Variants in TRIO observed in about 807,000 individuals in gnomAD.
TRIO encodes the protein triple functional domain protein.
A neutral mutation model predicts 351.9 loss-of-function variants in TRIO; 58 were observed. The observed-to-expected ratio is 0.16, with a 90% CI of 0.13 to 0.21. The LOEUF (loss-of-function observed/expected upper bound fraction) is 0.21, where lower values mean the gene tolerates loss of function less well. TRIO is among the 10% of genes least tolerant of loss of function. The pLI is 1.00. For synonymous variants in TRIO, 1,758 were observed against 1,595.7 expected (o/e 1.10, Z -2.42); for missense variants, 3,201 against 4,027.8 (o/e 0.79, Z 5.56).
chr5:14,282,750 C>G (rs371407217), intron 3 of TRIO, among the ~76,000 whole-genome samples: 1 of 152,218 alleles, frequency 6.6e-6, no homozygotes. Context: ...TCATGTCATT[C>G]AAAAATACTT....
rs770760244 is a variant in TRIO, at chr5:14,488,136, C to T, written c.7508C>T (p.Pro2503Leu). 2.4e-5 allele frequency: 38 copies of T among 1,608,058 alleles called. No individual in the cohort carries two copies. Among genetic ancestry groups the T allele is most frequent in the Admixed American group, 1.3e-4 (8 of 59,962 alleles). ...AGCCGACCCGGCTCCTTCACCTTCC[C>T]GGGGGACAGCGACTCCCTCCAGCGG... ...PASRPGSFTFPGDSDSLQRQT... is the reference protein window; with the variant it reads ...PASRPGSFTFLGDSDSLQRQT... Residue 2503 changes from proline to leucine, a missense_variant, in exon 48 of 57, where the codon CCG (proline) becomes CTG (leucine). Pro to Leu is a moderately conservative substitution (Grantham distance 98). This residue lies in a region of TRIO where 1,089 missense variants were observed against 954.9 expected (regional missense o/e 1.14). Coordinates refer to ENST00000344204, the MANE Select transcript of TRIO (RefSeq NM_007118.4).
chr5:14,338,381 A>G (rs116423461), intron 11 of TRIO, among the ~76,000 whole-genome samples: 2,975 of 152,254 alleles, frequency 0.02, 69 homozygotes, highest in Non-Finnish European at 0.025. Flanking sequence ...CGCTCAACAC[A>G]GTATCCCCTG....
intron 34 of TRIO, chr5:14,441,087 G>A (rs112699073): frequency 0.043 from 6,548 of 152,562 alleles, 231 homozygotes; most frequent in African/African-American, 0.087. Context: ...TGAGCAACAC[G>A]CTGCCAGTCT....
chr5:14,497,016 A>C lies in TRIO; in HGVS notation c.8018A>C (p.Lys2673Thr), dbSNP rs756958239. The change falls in exon 50 of 57, where the codon AAG (lysine) becomes ACG (threonine). Residue 2673 changes from lysine (K) to threonine (T), a missense_variant and splice_region_variant. By Grantham distance (78) the Lys-to-Thr change is moderately conservative. Transcript: ENST00000344204. This position sits in a 1 kb window ranked among gnomAD's most constrained non-coding sequence, Gnocchi z 4.4. ...GGACTCAGCAACAAGGTATCTGTGA[A>C]GGTGTGTTCGGGGGTCTTCAGGAGT... ...REGLSNKVSV[K>T]LLNPNYIYDV... The C allele has an allele frequency of 2.3e-5, 37 of 1,614,204 alleles. No homozygotes were observed. The highest frequency in any genetic ancestry group is 3.1e-5 in the Non-Finnish European group (37 of 1,180,032).
At chr5:14,149,976 TC>T (rs1787731440) in intron 1 of TRIO, among the ~76,000 whole-genome samples, 1 of 152,220 alleles carries the variant, frequency 6.6e-6, no homozygotes, top group South Asian at 2.1e-4. Flanking sequence ...AGGAGGTTTT[TC>T]TTGGGGAGGG....
chr5:14,233,511 T>G (rs1793589362), intron 1 of TRIO, among the ~76,000 whole-genome samples: 1 of 151,614 alleles, frequency 6.6e-6, no homozygotes, highest in Non-Finnish European at 1.5e-5. Flanking sequence ...AAAGGAATCA[T>G]GTAACTGTCC....
At chr5:14,405,188 T>G (rs985539438) in intron 31 of TRIO, among the ~76,000 whole-genome samples, 1 of 152,078 alleles carries the variant, frequency 6.6e-6, no homozygotes. Flanking sequence ...GGACATTTCT[T>G]GAGAGTTGTA....
chr5:14,394,594 T>G (rs1338698085), intron 28 of TRIO, among the ~76,000 whole-genome samples: 1 of 152,168 alleles, frequency 6.6e-6, no homozygotes, highest in Non-Finnish European at 1.5e-5. Context: ...GCCCAGGGCT[T>G]CCACTGAAGC....
chr5:14,466,260 C>T (rs937195045), intron 37 of TRIO: 2 of 153,902 alleles, frequency 1.3e-5, no homozygotes, highest in African/African-American at 4.8e-5. Flanking sequence ...ATGTGGTCAG[C>T]TCCAGTCTGT....
At position 14,338,092 on chromosome 5, in the gene TRIO, C is replaced by T. The variant is rs530409740; in HGVS notation, c.2046+1365C>T. Among the ~76,000 whole-genome samples, 20 of 152,280 alleles carry T rather than the reference C, an allele frequency of 1.3e-4. No homozygotes were observed. In the East Asian group the frequency reaches 3.1e-3, roughly 24 times the overall value. On this transcript the variant is annotated intron_variant, in intron 11 of 56. Transcript: ENST00000344204. The stretch of plus-strand genomic sequence containing the variant: ...GTGGCAGTTCCTAGTCATTGCTGCA[C>T]GTGCCTCTAGACTAAGTTTCCCACT...
intron 11 of TRIO, among the ~76,000 whole-genome samples, chr5:14,354,043 G>A (rs1221834496): frequency 1.3e-5 from 2 of 152,204 alleles, no homozygotes; most frequent in South Asian, 2.1e-4. Context: ...GCCTCACAGT[G>A]AGTCAGGGGA....
intron 34 of TRIO, among the ~76,000 whole-genome samples, chr5:14,450,653 A>G (rs185492561): frequency 1.1e-4 from 16 of 152,342 alleles, no homozygotes; most frequent in African/African-American, 3.8e-4. Flanking sequence ...CCACTGTGCA[A>G]TATGTAAAAT....
chr5:14,365,645 G>A (rs1480048814), intron 15 of TRIO, among the ~76,000 whole-genome samples: 2 of 152,228 alleles, frequency 1.3e-5, no homozygotes, highest in East Asian at 3.8e-4. Flanking sequence ...AGAAATAACG[G>A]AATAAATAAA....
At chr5:14,367,221 A>G (rs1013580154) in intron 16 of TRIO, among the ~76,000 whole-genome samples, 11 of 152,066 alleles carry the variant, frequency 7.2e-5, no homozygotes, top group African/African-American at 1.9e-4. Flanking sequence ...CAAGGATCCC[A>G]AAGGTCTCGG....
In TRIO at chr5:14,405,962, G is replaced by T. The variant is rs771279874; in HGVS notation, c.4831G>T (p.Ala1611Ser). 26 of 1,604,342 alleles carry T rather than the reference G, an allele frequency of 1.6e-5. No homozygotes were observed. The highest frequency in any genetic ancestry group is 2.0e-5 in the Non-Finnish European group (24 of 1,176,592). The change falls in exon 32 of 57, where the codon GCT becomes TCT. Residue 1611 changes from alanine (A) to serine (S), a missense_variant. Ala to Ser is a moderately conservative substitution (Grantham distance 99). Coordinates refer to ENST00000344204, the MANE Select transcript of TRIO (RefSeq NM_007118.4). ...LKEPIHIPKT[A>S]PATRQKGRRD... Reference sequence around the variant, plus strand: ...GGAGCCCATTCACATCCCTAAGACCGCTCCCGCCACAAGACAGAAGGGAAG... The same window carrying T: ...GGAGCCCATTCACATCCCTAAGACCTCTCCCGCCACAAGACAGAAGGGAAG...
chr5:14,170,449 G>A (rs374752754), intron 1 of TRIO, among the ~76,000 whole-genome samples: 11 of 150,562 alleles, frequency 7.3e-5, no homozygotes, highest in African/African-American at 2.4e-4. Flanking sequence ...TTCATGCATT[G>A]AACATTGGCT....
Position 14,507,060 on chromosome 5 carries a change from T to A in TRIO, c.8613-62T>A. The A allele has an allele frequency of 2.0e-6, 3 of 1,511,236 alleles. No individual in the cohort carries two copies. In the African/African-American group the frequency reaches 4.2e-5, roughly 21 times the overall value. 93.6% of individuals were successfully genotyped at this position (1,511,236 alleles called of 1,614,324 possible). A position where few individuals can be genotyped will look rare whatever the true frequency, so the allele number is the denominator to read the frequency against. The stretch of plus-strand genomic sequence containing the variant: ...CAGGTCCGACATGTTTACTTCTTAC[T>A]AGCCCAAAGAGGTCTTCAAAGCAAA... On this transcript the variant is annotated intron_variant, in intron 55 of 56. Coordinates refer to ENST00000344204, the MANE Select transcript of TRIO (RefSeq NM_007118.4).
intron 2 of TRIO, among the ~76,000 whole-genome samples, chr5:14,279,920 A>C (rs1735847318): frequency 6.6e-6 from 1 of 152,216 alleles, no homozygotes; most frequent in South Asian, 2.1e-4. Context: ...GAAAGAAAGA[A>C]CTTTGAATGC....
intron 46 of TRIO, among the ~76,000 whole-genome samples, chr5:14,483,353 G>T (rs970082057): frequency 6.6e-6 from 1 of 152,218 alleles, no homozygotes; most frequent in Non-Finnish European, 1.5e-5. Context: ...CAGGCCTGAG[G>T]TCCCAGCAGA....
Sources: gnomAD v4.1 joint callset for allele counts (sites outside exome capture counted in the v4.1 genomes callset) on GRCh38, gnomAD v4.1.1 for gene constraint, gnomAD v4.1.1 regional missense constraint, Gnocchi (gnomAD v3.1) non-coding constraint, MANE v1.5 for transcripts, NCBI Gene and HGNC (gene_info 2026-07-23, HGNC 2026-07-21) for gene names.